Variants in GALNT18 observed in about 807,000 individuals in gnomAD.
The protein encoded by GALNT18 is GalNAc-transferase 18.
Under a neutral mutation model 69.5 loss-of-function variants are expected in GALNT18, and 44 were observed. That is an observed-to-expected ratio of 0.63 (90% CI 0.50 to 0.81). The LOEUF is 0.81. GALNT18 is among the 40% of genes least tolerant of loss of function. The pLI is 0.00. For synonymous variants in GALNT18, 364 were observed against 318.2 expected (o/e 1.14, Z -1.53); for missense variants, 715 against 810.0 (o/e 0.88, Z 1.42).
intron 1 of GALNT18, among the ~76,000 whole-genome samples, chr11:11,478,585 T>C (rs904351129): frequency 6.6e-6 from 1 of 152,196 alleles, no homozygotes; most frequent in Admixed American, 6.5e-5. Context: ...ATGAAATGAA[T>C]GGATCACATT....
rs1854779812 is a variant in GALNT18 at position 11,413,497 on chromosome 11, CA to C, written c.595+19123del. Among the ~76,000 whole-genome samples, 1 of 152,204 alleles carries C rather than the reference CA, an allele frequency of 6.6e-6. No individual in the cohort carries two copies. Among genetic ancestry groups the C allele is most frequent in the Non-Finnish European group, 1.5e-5 (1 of 68,030 alleles). On this transcript the variant is annotated intron_variant, in intron 3 of 10. Transcript: ENST00000227756. The surrounding 1 kb of genome is among the most constrained non-coding windows in gnomAD (Gnocchi z 4.7). Reference sequence around the variant, plus strand: ...TCTCCAGCTCCCTCAGGCCCCTTAACAACATTAGACTGCAATTTCAGGTTTA... The same window carrying C: ...TCTCCAGCTCCCTCAGGCCCCTTAACACATTAGACTGCAATTTCAGGTTTA...
intron 9 of GALNT18, among the ~76,000 whole-genome samples, chr11:11,316,145 C>T (rs1849749042): frequency 6.6e-6 from 1 of 152,150 alleles, no homozygotes; most frequent in Non-Finnish European, 1.5e-5. Flanking sequence ...TGGGGTTCCC[C>T]AATACCATTC....
intron 10 of GALNT18, among the ~76,000 whole-genome samples, chr11:11,279,996 G>A (rs572713347): frequency 6.6e-6 from 1 of 152,228 alleles, no homozygotes; most frequent in South Asian, 2.1e-4. Context: ...CGGGTGGAGG[G>A]GACTGTGTAT....
Position 11,337,575 on chromosome 11 carries a change from A to G in GALNT18, c.1278+3244T>C, listed in dbSNP as rs1564899947. On this transcript the variant is annotated intron_variant, in intron 7 of 10. Coordinates refer to ENST00000227756, the MANE Select transcript of GALNT18 (RefSeq NM_198516.3). This position sits in a 1 kb window ranked among gnomAD's most constrained non-coding sequence, Gnocchi z 4.9. ...CACTCTTTCACAGGCTGGTCATGCA[A>G]TGACAGAGAGATATTTAGGAGGGGG... Among the ~76,000 whole-genome samples the G allele has an allele frequency of 6.6e-6, 1 of 152,168 alleles. No homozygotes were observed. The highest frequency in any genetic ancestry group is 6.5e-5 in the Admixed American group (1 of 15,280).
chr11:11,479,508 T>C (rs1050587556), intron 1 of GALNT18, among the ~76,000 whole-genome samples: 1 of 152,196 alleles, frequency 6.6e-6, no homozygotes, highest in African/African-American at 2.4e-5. Flanking sequence ...GCTAAGGGGT[T>C]CAATAGTGCT....
intron 10 of GALNT18, among the ~76,000 whole-genome samples, chr11:11,275,503 A>G (rs1051552386): frequency 2.0e-5 from 3 of 151,852 alleles, no homozygotes; most frequent in African/African-American, 7.2e-5. Context: ...CACTCTGATG[A>G]TTTCTCTTGC....
chr11:11,303,252 T>C (rs10765830), intron 9 of GALNT18, among the ~76,000 whole-genome samples: 75,751 of 151,852 alleles, frequency 0.5, 18,921 homozygotes, highest in Middle Eastern at 0.57. Context: ...ACATCCTTCT[T>C]GCTTCTTGGG....
chr11:11,609,178 C>T (rs1344930728), intron 1 of GALNT18, among the ~76,000 whole-genome samples: 1 of 152,336 alleles, frequency 6.6e-6, no homozygotes, highest in South Asian at 2.1e-4. Flanking sequence ...CTCTGCTCAC[C>T]CCCTCTGGTA....
intron 1 of GALNT18, among the ~76,000 whole-genome samples, chr11:11,514,277 G>T (rs959621091): frequency 6.6e-6 from 1 of 152,220 alleles, no homozygotes; most frequent in Non-Finnish European, 1.5e-5. Context: ...GCAATTGCCT[G>T]CCCCAGGCTG....
Position 11,546,103 on chromosome 11 carries a change from C to CCAGGTGTCA in GALNT18, c.235+75255_235+75256insTGACACCTG. Among the ~76,000 whole-genome samples, 1 of 152,270 alleles carries CCAGGTGTCA rather than the reference C, an allele frequency of 6.6e-6. No individual in the cohort carries two copies. The highest frequency in any genetic ancestry group is 1.9e-4 in the East Asian group (1 of 5,160). ...CCAAGCTGCCACTATAATTCCTTTC[C>CCAGGTGTCA]CAGGTGTCTGTGACACAATCTGAGC... is the stretch of plus-strand genomic sequence containing the variant. On this transcript the variant is annotated intron_variant, in intron 1 of 10. Transcript: ENST00000227756. The surrounding 1 kb of genome is among the most constrained non-coding windows in gnomAD (Gnocchi z 5.8).
chr11:11,471,244 C>T (rs1301242218), intron 1 of GALNT18, among the ~76,000 whole-genome samples: 2 of 152,132 alleles, frequency 1.3e-5, no homozygotes, highest in Non-Finnish European at 2.9e-5. Flanking sequence ...CAGGACTGTG[C>T]ATTCAGAACA....
rs565008960 is a variant in GALNT18, at chr11:11,591,604, C to G, written c.235+29755G>C. 3.9e-5 allele frequency among the ~76,000 whole-genome samples: 6 copies of G among 152,308 alleles called. 1 individual carries two copies. The highest frequency in any genetic ancestry group is 1.9e-4 in the East Asian group (1 of 5,190). On this transcript the variant is annotated intron_variant, in intron 1 of 10. Transcript: ENST00000227756. The surrounding 1 kb of genome is among the most constrained non-coding windows in gnomAD (Gnocchi z 4.8). Reference sequence around the variant, plus strand: ...TCTGCCCACAAGGAAAGCAGCCCCCCCAGTGAGTCCTGCTGTCATTTTAAA... The same window carrying G: ...TCTGCCCACAAGGAAAGCAGCCCCCGCAGTGAGTCCTGCTGTCATTTTAAA...
At chr11:11,411,758 T>C (rs1854733486) in intron 3 of GALNT18, among the ~76,000 whole-genome samples, 2 of 152,016 alleles carry the variant, frequency 1.3e-5, no homozygotes, top group Admixed American at 1.3e-4. Flanking sequence ...GGCCAGCAAG[T>C]GAGGGAAGCA....
rs72341185 is a variant in GALNT18 at position 11,309,456 on chromosome 11, CCTAGAAATG to C, written c.1513-16272_1513-16264del. On this transcript the variant is annotated intron_variant, in intron 9 of 10. Coordinates refer to ENST00000227756, the MANE Select transcript of GALNT18 (RefSeq NM_198516.3). The surrounding 1 kb of genome is among the most constrained non-coding windows in gnomAD (Gnocchi z 4.6). ...ACTTACCACTCTTTCCTGACCTCTC[CCTAGAAATG>C]CTGCGCCCAATTTTTAATAATGGCA... is the stretch of plus-strand genomic sequence containing the variant. Among the ~76,000 whole-genome samples the C allele has an allele frequency of 0.078, 11,891 of 152,136 alleles. 602 individuals are homozygous for C. The highest frequency in any genetic ancestry group is 0.11 in the Non-Finnish European group (7,582 of 67,964).
At chr11:11,326,835 C>G (rs556285540) in intron 9 of GALNT18, among the ~76,000 whole-genome samples, 2 of 152,294 alleles carry the variant, frequency 1.3e-5, no homozygotes, top group East Asian at 3.9e-4. Context: ...AACCCCTTTC[C>G]TCCTCATCAT....
rs917182516 is a variant in GALNT18 at position 11,555,120 on chromosome 11, C to T, written c.235+66239G>A. Among the ~76,000 whole-genome samples, 34 of 152,168 alleles carry T rather than the reference C, an allele frequency of 2.2e-4. No homozygotes were observed. Among genetic ancestry groups the T allele is most frequent in the African/African-American group, 7.7e-4 (32 of 41,438 alleles). Reference sequence around the variant, plus strand: ...TGACACTTAAAGAGGCTAAGAAATTCGGAGTCATCGGGACTTGAACTAAGG... The same window carrying T: ...TGACACTTAAAGAGGCTAAGAAATTTGGAGTCATCGGGACTTGAACTAAGG... On this transcript the variant is annotated intron_variant, in intron 1 of 10. Coordinates refer to ENST00000227756, the MANE Select transcript of GALNT18 (RefSeq NM_198516.3). This position sits in a 1 kb window ranked among gnomAD's most constrained non-coding sequence, Gnocchi z 4.7.
In GALNT18 at chr11:11,377,498, C is replaced by G. The variant is rs1354850768; in HGVS notation, c.780-119G>C. ...AGGAAGGAAGGCCTGCCCATCTCCT[C>G]TGATGGAGAGGTGCACTGCCTTCTG... On this transcript the variant is annotated intron_variant, in intron 4 of 10. Coordinates refer to ENST00000227756, the MANE Select transcript of GALNT18 (RefSeq NM_198516.3). This position sits in a 1 kb window ranked among gnomAD's most constrained non-coding sequence, Gnocchi z 4.6. 1 of 827,396 alleles carries G rather than the reference C, an allele frequency of 1.2e-6. No homozygotes were observed. Among genetic ancestry groups the G allele is most frequent in the Non-Finnish European group, 2.0e-6 (1 of 510,530 alleles). 51.3% of individuals were successfully genotyped at this position (827,396 alleles called of 1,614,324 possible).
chr11:11,323,554 C>A (rs779732572), intron 9 of GALNT18, among the ~76,000 whole-genome samples: 1 of 152,234 alleles, frequency 6.6e-6, no homozygotes, highest in East Asian at 1.9e-4. Flanking sequence ...GGCCCTGGCC[C>A]TTAGGCTAGA....
rs1254210039 is a variant in GALNT18 at position 11,444,360 on chromosome 11, G to A, written c.428+4384C>T. Among the ~76,000 whole-genome samples the A allele has an allele frequency of 1.1e-4, 16 of 152,330 alleles. No homozygotes were observed. Among genetic ancestry groups the A allele is most frequent in the African/African-American group, 2.6e-4 (11 of 41,584 alleles). On this transcript the variant is annotated intron_variant, in intron 2 of 10. Transcript: ENST00000227756. This position sits in a 1 kb window ranked among gnomAD's most constrained non-coding sequence, Gnocchi z 4.4. ...AAGCCTGCGAGGACAAGTCCTCCCCGCCACGGAGCCTGGGAAATGGTCAGC... is the reference window on the plus strand; with the variant it reads ...AAGCCTGCGAGGACAAGTCCTCCCCACCACGGAGCCTGGGAAATGGTCAGC...
Sources: allele counts gnomAD v4.1 joint callset (sites outside exome capture counted in the v4.1 genomes callset), GRCh38; gene constraint gnomAD v4.1.1; non-coding constraint Gnocchi (gnomAD v3.1); transcripts MANE v1.5; gene names NCBI Gene and HGNC (gene_info 2026-07-23, HGNC 2026-07-21).